MKLN1: variants seen among roughly 807,000 people sequenced by gnomAD.
MKLN1 encodes muskelin.
A neutral mutation model predicts 99.0 loss-of-function variants in MKLN1; 18 were observed. The observed-to-expected ratio is 0.18, with a 90% confidence interval of 0.13 to 0.27. MKLN1 has a LOEUF of 0.27. Ranked by LOEUF, MKLN1 falls within the 10% of genes least tolerant of loss-of-function variation. The pLI, the probability that MKLN1 is intolerant of heterozygous loss-of-function variation, is 1.00. For missense variants in MKLN1, 621 were observed against 875.9 expected (o/e 0.71, Z 3.67); for synonymous variants, 288 against 293.2 (o/e 0.98, Z 0.18).
In MKLN1 at chr7:131,381,218, C is replaced by T. The variant is rs1793837820; in HGVS notation, c.168+5725C>T. ...TGCAGTAAAGGAGTTATGATCTAAC[C>T]CTTATTATGTCAATTAAAAAGACAT... On this transcript the variant is annotated intron_variant, in intron 2 of 17. Transcript: ENST00000352689. Among the ~76,000 whole-genome samples, 4 of 152,140 alleles carry T rather than the reference C, an allele frequency of 2.6e-5. No homozygotes were observed. In the South Asian group the frequency reaches 8.3e-4, roughly 32 times the overall value.
chr7:131,196,344 G>A (rs1309733412), intron 2 of MKLN1, among the ~76,000 whole-genome samples: 2 of 152,120 alleles, frequency 1.3e-5, no homozygotes, highest in Non-Finnish European at 2.9e-5. Flanking sequence ...ATATAAACAA[G>A]CTTAAGGATT....
At chr7:131,197,172 G>A (rs1796659002) in intron 2 of MKLN1, among the ~76,000 whole-genome samples, 1 of 151,908 alleles carries the variant, frequency 6.6e-6, no homozygotes, top group African/African-American at 2.4e-5. Context: ...AAGATTAGAG[G>A]GTAAACTTCA....
At chr7:131,157,910 G>A (rs549030012) in intron 2 of MKLN1, among the ~76,000 whole-genome samples, 2 of 152,166 alleles carry the variant, frequency 1.3e-5, no homozygotes, top group African/African-American at 4.8e-5. Context: ...TTGGGTTTCC[G>A]GAGCCTATTA....
chr7:131,129,181 C>T (rs1461159885), intron 1 of MKLN1, among the ~76,000 whole-genome samples: 6 of 152,036 alleles, frequency 3.9e-5, no homozygotes, highest in Non-Finnish European at 8.8e-5. Flanking sequence ...GTCTTTGTGC[C>T]TAGCAAATTG....
At chr7:131,265,539 C>A (rs555025717) in intron 3 of MKLN1, among the ~76,000 whole-genome samples, 3 of 152,256 alleles carry the variant, frequency 2.0e-5, no homozygotes, top group African/African-American at 7.2e-5. Flanking sequence ...CAGAAAAATT[C>A]TCCTGCTTCA....
chr7:131,355,186 C>T (rs28662175), intron 1 of MKLN1, among the ~76,000 whole-genome samples: 17,047 of 152,132 alleles, frequency 0.11, 1,439 homozygotes, highest in African/African-American at 0.24. Context: ...TAACATCTGA[C>T]AGGGTCTAGT....
intron 11 of MKLN1, 78 bp from the exon 12 acceptor site, chr7:131,445,696 A>T: frequency 8.0e-7 from 1 of 1,247,420 alleles, no homozygotes; most frequent in African/African-American, 1.5e-5. Flanking sequence ...GTAGAGGTTT[A>T]AGTTTTTAAA....
intron 2 of MKLN1, among the ~76,000 whole-genome samples, chr7:131,178,816 T>C (rs898932676): frequency 6.6e-5 from 10 of 152,232 alleles, no homozygotes; most frequent in Non-Finnish European, 1.2e-4. Context: ...GTGAATTCCT[T>C]AGACATAGCT....
intron 1 of MKLN1, among the ~76,000 whole-genome samples, chr7:131,123,027 A>AG (rs1282236751): frequency 7.5e-6 from 1 of 133,118 alleles, no homozygotes; most frequent in Non-Finnish European, 1.6e-5. Flanking sequence ...CGTCTCAAAA[A>AG]AAAAAAAAAA....
chr7:131,153,427 T>C (rs1197438916), intron 2 of MKLN1, among the ~76,000 whole-genome samples: 1 of 152,132 alleles, frequency 6.6e-6, no homozygotes, highest in South Asian at 2.1e-4. Flanking sequence ...GCTTTCCTGC[T>C]ATTTGGTACA....
chr7:131,178,279 C>CTTTTTTTTTTTTTTTT (rs35412933), intron 2 of MKLN1, among the ~76,000 whole-genome samples: 2 of 72,530 alleles, frequency 2.8e-5, no homozygotes, highest in Non-Finnish European at 2.8e-5. Flanking sequence ...ACATGCCCGG[C>CTTTTTTTTTTTTTTTT]TTTTTTTTTT....
rs569333417 is a variant in MKLN1 at position 131,255,066 on chromosome 7, T to A, written c.-179+52092T>A. 2.8e-4 allele frequency among the ~76,000 whole-genome samples: 42 copies of A among 151,618 alleles called. No individual in the cohort carries two copies. The South Asian group carries it at 6.1e-3, about 22-fold the overall frequency. ...ATCATACCTGGCTAGTTTAAAAAAATTTTTTTTTGTAGAGACAGGGTCTAT... is the reference window on the plus strand; with the variant it reads ...ATCATACCTGGCTAGTTTAAAAAAAATTTTTTTTGTAGAGACAGGGTCTAT... On this transcript the variant is annotated intron_variant, in intron 3 of 7. Transcript: ENST00000416992.
At chr7:131,443,372 C>A in intron 10 of MKLN1, 109 bp from the exon 11 acceptor site, 3 of 752,386 alleles carry the variant, frequency 4.0e-6, no homozygotes, top group South Asian at 3.4e-5. Flanking sequence ...TCATTAGGGA[C>A]AAAGTTTAGG....
Position 131,133,836 on chromosome 7 carries a change from T to G in MKLN1, c.-418-8984T>G, listed in dbSNP as rs1359305056. 5.0e-5 allele frequency among the ~76,000 whole-genome samples: 7 copies of G among 140,064 alleles called. 2 individuals are homozygous for G. Among genetic ancestry groups the G allele is most frequent in the African/African-American group, 1.8e-4 (7 of 38,072 alleles). The allele number at this position is 140,064 out of a possible 152,430, so 91.9% of individuals were successfully genotyped here. ...TTTAATTTGGTTTTTTTTTTTTTTT[T>G]TTTTTTTTTTGAGACGAAGTTTTGC... On this transcript the variant is annotated intron_variant, in intron 1 of 7. Transcript: ENST00000416992.
intron 3 of MKLN1, among the ~76,000 whole-genome samples, chr7:131,259,480 T>C (rs1797703295): frequency 6.6e-6 from 1 of 152,224 alleles, no homozygotes; most frequent in South Asian, 2.1e-4. Flanking sequence ...CATATCTATC[T>C]ATCTGTAGAT....
Position 131,356,540 on chromosome 7 carries a change from A to C in MKLN1, c.99-18884A>C, listed in dbSNP as rs569089215. 3.9e-4 allele frequency among the ~76,000 whole-genome samples: 59 copies of C among 152,126 alleles called. 1 individual carries two copies. The highest frequency in any genetic ancestry group is 1.2e-3 in the African/African-American group (49 of 41,482). On this transcript the variant is annotated intron_variant, in intron 1 of 17. Transcript: ENST00000352689. Reference sequence around the variant, plus strand: ...CTGACAGAGGGGCAGTGGTGGTTCTATGGGTCTTGGCCTCTTGCTAGCTGT... The same window carrying C: ...CTGACAGAGGGGCAGTGGTGGTTCTCTGGGTCTTGGCCTCTTGCTAGCTGT...
intron 6 of MKLN1, among the ~76,000 whole-genome samples, chr7:131,403,120 T>A (rs1049739440): frequency 3.3e-5 from 5 of 152,202 alleles, no homozygotes; most frequent in Non-Finnish European, 7.4e-5. Flanking sequence ...AAAATCTGTT[T>A]AGTATAGTTA....
intron 1 of MKLN1, among the ~76,000 whole-genome samples, chr7:131,132,947 A>AG (rs1182285897): frequency 0.025 from 1,421 of 56,564 alleles, 3 homozygotes; most frequent in Middle Eastern, 0.071. Flanking sequence ...AAAAAAAAAA[A>AG]AAAGAAAGAA....
intron 6 of MKLN1, among the ~76,000 whole-genome samples, chr7:131,402,734 A>G (rs1794586444): frequency 6.6e-6 from 1 of 152,214 alleles, no homozygotes; most frequent in Non-Finnish European, 1.5e-5. Context: ...CTCTTGGGTG[A>G]CAGGTGCATT....
Sources: allele counts gnomAD v4.1 joint callset (sites outside exome capture counted in the v4.1 genomes callset), GRCh38; gene constraint gnomAD v4.1.1; transcripts MANE v1.5; gene names NCBI Gene and HGNC (gene_info 2026-07-23, HGNC 2026-07-21).